STOX2: variants seen among roughly 807,000 people sequenced by gnomAD.
STOX2 encodes the protein storkhead box 2.
A neutral mutation model predicts 60.9 loss-of-function variants in STOX2; 28 were observed. The observed-to-expected ratio is 0.46, with a 90% CI of 0.34 to 0.63. The LOEUF (loss-of-function observed/expected upper bound fraction) is 0.63. Ranked by LOEUF, STOX2 falls within the 30% of genes least tolerant of loss-of-function variation. The pLI is 0.01. For missense variants in STOX2, 1,024 were observed against 1,187.7 expected (o/e 0.86, Z 2.03); for synonymous variants, 472 against 463.9 (o/e 1.02, Z -0.22).
At position 184,022,420 on chromosome 4, in the gene STOX2, T is replaced by C. The variant is rs1271406723; in HGVS notation, c.*5136T>C. 2 of 152,168 alleles carry C rather than the reference T, an allele frequency of 1.3e-5. No homozygotes were observed. Among genetic ancestry groups the C allele is most frequent in the Non-Finnish European group, 2.9e-5 (2 of 68,034 alleles). 9.4% of individuals were successfully genotyped at this position (152,168 alleles called of 1,614,324 possible). ...TTACAGTTCTATGACTTACAGTTGA[T>C]GATTCACAAGATTCAGGATTCTACA... On this transcript the variant is annotated 3_prime_UTR_variant, in exon 4 of 4. Transcript: ENST00000308497.
rs1414884277 is a variant in STOX2 at position 184,004,438 on chromosome 4, A to G, written c.319+2961A>G. The stretch of plus-strand genomic sequence containing the variant: ...CACGGTGAAACCCCGTCTCTACTAA[A>G]AATACAAAAAAATTAGCCGGGCTTG... On this transcript the variant is annotated intron_variant, in intron 2 of 3. Transcript: ENST00000308497. Among the ~76,000 whole-genome samples, 5 of 152,164 alleles carry G rather than the reference A, an allele frequency of 3.3e-5. No individual in the cohort carries two copies. In the East Asian group the frequency reaches 9.6e-4, roughly 29 times the overall value.
At chr4:183,800,871 T>C (rs1470771037) in intron 1 of STOX2, among the ~76,000 whole-genome samples, 2 of 152,218 alleles carry the variant, frequency 1.3e-5, no homozygotes, top group Admixed American at 6.5e-5. Flanking sequence ...TTCGCCTGGG[T>C]GCATGATTTC....
At chr4:183,891,734 C>T (rs957037872) in intron 1 of STOX2, among the ~76,000 whole-genome samples, 4 of 151,770 alleles carry the variant, frequency 2.6e-5, no homozygotes, top group African/African-American at 4.8e-5. Flanking sequence ...CCACACACCA[C>T]CTGTTCCTGA....
In STOX2 at chr4:183,951,835, C is replaced by T. The variant is rs182010568; in HGVS notation, c.166+44879C>T. ...GTGCATGCCTGTAGTTCCAGCTACT[C>T]AGGAGGCTGAGGCAGGAGAATCTCT... On this transcript the variant is annotated intron_variant, in intron 1 of 3. Coordinates refer to ENST00000308497, the MANE Select transcript of STOX2 (RefSeq NM_020225.3). 2.7e-3 allele frequency among the ~76,000 whole-genome samples: 413 copies of T among 152,126 alleles called. 1 individual carries two copies. The highest frequency in any genetic ancestry group is 9.6e-3 in the African/African-American group (400 of 41,516).
At chr4:183,965,000 G>A (rs1009467229) in intron 1 of STOX2, among the ~76,000 whole-genome samples, 6 of 152,220 alleles carry the variant, frequency 3.9e-5, no homozygotes, top group South Asian at 4.1e-4. Context: ...TTCTTATCAC[G>A]AAACAGTGCT....
intron 1 of STOX2, among the ~76,000 whole-genome samples, chr4:183,971,303 C>T (rs1743734495): frequency 6.6e-6 from 1 of 152,158 alleles, no homozygotes; most frequent in Non-Finnish European, 1.5e-5. Context: ...TGAAAGCACC[C>T]ATCACTATTG....
chr4:184,002,557 T>A (rs1242402254), intron 2 of STOX2, among the ~76,000 whole-genome samples: 1 of 152,162 alleles, frequency 6.6e-6, no homozygotes, highest in Non-Finnish European at 1.5e-5. Flanking sequence ...GTAGTTCTGC[T>A]CCATCTGTAC....
intron 1 of STOX2, among the ~76,000 whole-genome samples, chr4:183,807,886 G>C (rs566740465): frequency 7.2e-5 from 11 of 152,352 alleles, no homozygotes; most frequent in African/African-American, 2.6e-4. Flanking sequence ...GGCTGCAGCG[G>C]AAGGCTCTTG....
In STOX2 at chr4:183,831,125, C is replaced by T. The variant is rs1194676758; in HGVS notation, c.364+33070C>T. 5.0e-5 allele frequency among the ~76,000 whole-genome samples: 7 copies of T among 140,332 alleles called. No homozygotes were observed. The South Asian group carries it at 9.1e-4, about 18-fold the overall frequency. The allele number at this position is 140,332 out of a possible 152,430, so 92.1% of individuals were successfully genotyped here. A position where few individuals can be genotyped will look rare whatever the true frequency, so the allele number is the denominator to read the frequency against. On this transcript the variant is annotated intron_variant, in intron 1 of 2. Coordinates refer to the STOX2 transcript ENST00000513034. ...TTCTCCTTCCTGGTGGGTGTGGAGG[C>T]GTGAGGGGGGATGGTGGGGGGATGG...
rs1388190566 is a variant in STOX2, at chr4:183,825,049, G to C, written c.364+26994G>C. On this transcript the variant is annotated intron_variant, in intron 1 of 2. Coordinates refer to the STOX2 transcript ENST00000513034. This position sits in a 1 kb window ranked among gnomAD's most constrained non-coding sequence, Gnocchi z 4.1. ...ACACAATCTTGGGCTTGGGGATCGG[G>C]GAGGAACATGGTGGATAATCCCTGG... Among the ~76,000 whole-genome samples, 1 of 152,204 alleles carries C rather than the reference G, an allele frequency of 6.6e-6. No individual in the cohort carries two copies. The highest frequency in any genetic ancestry group is 1.5e-5 in the Non-Finnish European group (1 of 68,026).
rs79373194 is a variant in STOX2 at position 183,839,483 on chromosome 4, C to T, written c.364+41428C>T. Among the ~76,000 whole-genome samples the T allele has an allele frequency of 7.2e-5, 11 of 152,230 alleles. No individual in the cohort carries two copies. In the East Asian group the frequency reaches 1.7e-3, roughly 24 times the overall value. On this transcript the variant is annotated intron_variant, in intron 1 of 2. Transcript: ENST00000513034. ...CTGAACCACTTGAGGGCACCATGAA[C>T]GAGGGAAATGGAAAGTTGTGGCTCA...
At chr4:183,936,499 T>C (rs1742596768) in intron 1 of STOX2, among the ~76,000 whole-genome samples, 1 of 152,162 alleles carries the variant, frequency 6.6e-6, no homozygotes, top group Non-Finnish European at 1.5e-5. Flanking sequence ...AGTATCTTTT[T>C]TTTTCTCTAT....
intron 1 of STOX2, among the ~76,000 whole-genome samples, chr4:183,925,929 A>G (rs1742229458): frequency 6.6e-6 from 1 of 151,642 alleles, no homozygotes; most frequent in African/African-American, 2.4e-5. Context: ...CTGAACTTTT[A>G]TTTATGGCAG....
At chr4:183,982,746 A>G (rs1476113781) in intron 1 of STOX2, among the ~76,000 whole-genome samples, 1 of 152,210 alleles carries the variant, frequency 6.6e-6, no homozygotes, top group Non-Finnish European at 1.5e-5. Context: ...CATGTTGGAA[A>G]TGTTGGATAG....
intron 1 of STOX2, among the ~76,000 whole-genome samples, chr4:183,980,864 A>G (rs968388515): frequency 2.0e-5 from 3 of 152,054 alleles, no homozygotes; most frequent in African/African-American, 7.2e-5. Context: ...TCCCAATTCC[A>G]TCTTGCAGGG....
At chr4:183,951,075 G>T (rs2111145266) in intron 1 of STOX2, among the ~76,000 whole-genome samples, 1 of 152,050 alleles carries the variant, frequency 6.6e-6, no homozygotes, top group South Asian at 2.1e-4. Flanking sequence ...AATTAGCCGG[G>T]CGTGGTGGCG....
chr4:183,837,660 T>C (rs1372598133), intron 1 of STOX2, among the ~76,000 whole-genome samples: 1 of 152,008 alleles, frequency 6.6e-6, no homozygotes, highest in East Asian at 1.9e-4. Flanking sequence ...GGTTTCACCA[T>C]GTTGGCCAGG....
chr4:183,822,353 G>C (rs1739321401), intron 1 of STOX2, among the ~76,000 whole-genome samples: 1 of 152,208 alleles, frequency 6.6e-6, no homozygotes, highest in South Asian at 2.1e-4. Context: ...CATGGGGGAT[G>C]GTTTTGGGAT....
chr4:183,801,502 G>A (rs1738761914), intron 1 of STOX2, among the ~76,000 whole-genome samples: 1 of 152,228 alleles, frequency 6.6e-6, no homozygotes. Flanking sequence ...AATTGAGAGT[G>A]TGCTAAATGC....
Sources: gnomAD v4.1 joint callset for allele counts (sites outside exome capture counted in the v4.1 genomes callset) on GRCh38, gnomAD v4.1.1 for gene constraint, Gnocchi (gnomAD v3.1) non-coding constraint, MANE v1.5 for transcripts, NCBI Gene and HGNC (gene_info 2026-07-23, HGNC 2026-07-21) for gene names.